Variants in ZNF675 observed in about 807,000 individuals in gnomAD.
ZNF675 encodes TRAF6 inhibitory zinc finger.
In ZNF675, 36 loss-of-function variants were observed where a neutral mutation model predicts 56.1. The ratio of observed to expected loss-of-function variants is 0.64; its 90% CI spans 0.49 to 0.85. The LOEUF (loss-of-function observed/expected upper bound fraction) is 0.85. Among genes scored for constraint, ZNF675 ranks in the 40% least tolerant of loss-of-function variants. The pLI is 0.00. For missense variants in ZNF675, 663 were observed against 654.2 expected, an observed-to-expected ratio of 1.01 and a Z score of -0.15; for synonymous variants, 200 against 218.9, an observed-to-expected ratio of 0.91 and a Z score of 0.76.
chr19:23,671,903 G>A (rs1207241443), intron 1 of ZNF675, among the ~76,000 whole-genome samples: 1 of 152,096 alleles, frequency 6.6e-6, no homozygotes, highest in East Asian at 1.9e-4. Flanking sequence ...TCTCTTGCAT[G>A]GGGGTAGGAA....
At chr19:23,666,307 G>C (rs546402226) in intron 1 of ZNF675, among the ~76,000 whole-genome samples, 88 of 152,290 alleles carry the variant, frequency 5.8e-4, no homozygotes, top group African/African-American at 2.0e-3. Flanking sequence ...GCCTCTAATT[G>C]GTTGCTTTTG....
chr19:23,674,761 G>A (rs1204474531), intron 1 of ZNF675, among the ~76,000 whole-genome samples: 3 of 151,382 alleles, frequency 2.0e-5, no homozygotes, highest in Admixed American at 6.6e-5. Flanking sequence ...TTGAGGTCAG[G>A]AGTTCAAGAC....
intron 1 of ZNF675, among the ~76,000 whole-genome samples, chr19:23,665,936 T>C (rs1467728613): frequency 1.3e-5 from 2 of 152,198 alleles, no homozygotes; most frequent in African/African-American, 4.8e-5. Context: ...ACTTCTCAAA[T>C]GAAGACTACC....
chr19:23,685,829 G>A (rs924350259), intron 1 of ZNF675, among the ~76,000 whole-genome samples: 1 of 152,118 alleles, frequency 6.6e-6, no homozygotes, highest in African/African-American at 2.4e-5. Flanking sequence ...GCAAGTCATA[G>A]TTAGTCTGGA....
At position 23,653,969 on chromosome 19, in the gene ZNF675, T is replaced by TAA; in HGVS notation, c.962_963dup (p.Thr322LeufsTer208). On this transcript the variant is annotated frameshift_variant, in exon 4 of 4. Coordinates refer to ENST00000359788, the MANE Select transcript of ZNF675 (RefSeq NM_138330.3). LOFTEE classifies it high-confidence loss of function. ...TGTGTAGTAAGGGTTGAGGATTGGGTAAAAGCCTTGCCACATTCTTCACAT... is the reference window on the plus strand; with the variant it reads ...TGTGTAGTAAGGGTTGAGGATTGGGTAAAAAAGCCTTGCCACATTCTTCACAT... 1 of 1,613,934 alleles carries TAA rather than the reference T, an allele frequency of 6.2e-7. No individual in the cohort carries two copies. Among genetic ancestry groups the TAA allele is most frequent in the Middle Eastern group, 1.7e-4 (1 of 6,060 alleles).
intron 1 of ZNF675, among the ~76,000 whole-genome samples, chr19:23,670,254 C>T (rs944289753): frequency 6.6e-6 from 1 of 152,116 alleles, no homozygotes; most frequent in Non-Finnish European, 1.5e-5. Flanking sequence ...TTCTGCAATA[C>T]TGTCTGGCCC....
intron 1 of ZNF675, among the ~76,000 whole-genome samples, chr19:23,686,589 G>C (rs1968445686): frequency 6.6e-6 from 1 of 152,100 alleles, no homozygotes; most frequent in African/African-American, 2.4e-5. Context: ...GTCTCCCAAA[G>C]TGCTGGTATT....
At chr19:23,665,520 G>C (rs1968138647) in intron 1 of ZNF675, among the ~76,000 whole-genome samples, 1 of 151,902 alleles carries the variant, frequency 6.6e-6, no homozygotes, top group Non-Finnish European at 1.5e-5. Context: ...GTGTGTGATG[G>C]AGTGTCGCTC....
chr19:23,654,043 G>A lies in ZNF675; in HGVS notation c.890C>T (p.Ser297Leu). ...EECGKAFNQF[S>L]NLTTHKKIHT... ...AATTTTTTTATGTGTAGTAAGATTT[G>A]AGAACTGGTTAAAGGCTTTGCCACA... Residue 297 changes from serine to leucine, a missense_variant, in exon 4 of 4, where the codon TCA (serine) becomes TTA (leucine). Ser to Leu is a moderately radical substitution (Grantham distance 145). Coordinates refer to ENST00000359788, the MANE Select transcript of ZNF675 (RefSeq NM_138330.3). 7 of 1,613,720 alleles carry A rather than the reference G, an allele frequency of 4.3e-6. No homozygotes were observed. The highest frequency in any genetic ancestry group is 5.9e-6 in the Non-Finnish European group (7 of 1,179,966).
Position 23,654,679 on chromosome 19 carries a change from A to C in ZNF675, c.254T>G (p.Phe85Cys), listed in dbSNP as rs202007180. 2.7e-4 allele frequency: 425 copies of C among 1,551,482 alleles called. 1 individual carries two copies. The Middle Eastern group carries it at 2.8e-3, about 10-fold the overall frequency. Residue 85 changes from phenylalanine (F) to cysteine (C), a missense_variant, in exon 4 of 4, where the codon TTT (phenylalanine) becomes TGT (cysteine). Transcript: ENST00000359788. ...ATCTTTTATGTTCTGCTCTGGCCAA[A>C]ACTCTTGGGCAAAATGAGAACACAT... is the stretch of plus-strand genomic sequence containing the variant. ...PVMCSHFAQE[F>C]WPEQNIKDSF...
Position 23,653,802 on chromosome 19 carries a change from A to G in ZNF675, c.1131T>C (p.Phe377=). 6.2e-7 allele frequency: 1 copy of G among 1,613,902 alleles called. No individual in the cohort carries two copies. The part of the protein sequence containing the change: ...PYKCEECGKA[F]NRSSNLTEHR... The stretch of plus-strand genomic sequence containing the variant: ...GTTCCGTAAGATTTGAGGATCGGTT[A>G]AAAGCTTTGCCGCATTCCTCACATT... The change falls in exon 4 of 4, where the codon TTT becomes TTC. Residue 377 remains phenylalanine (F), a synonymous_variant. Coordinates refer to ENST00000359788, the MANE Select transcript of ZNF675 (RefSeq NM_138330.3).
In ZNF675 at chr19:23,682,946, T is replaced by C. The variant is rs1038389372; in HGVS notation, c.3+4085A>G. 5.2e-4 allele frequency among the ~76,000 whole-genome samples: 79 copies of C among 151,738 alleles called. 5 individuals are homozygous for C. The highest frequency in any genetic ancestry group is 5.9e-5 in the Non-Finnish European group (4 of 68,040). Reference sequence around the variant, plus strand: ...GCTCACACCTGTAATCCCAGCACTTTGGGAGGCCAAGGCCAGCAGGTCACC... The same window carrying C: ...GCTCACACCTGTAATCCCAGCACTTCGGGAGGCCAAGGCCAGCAGGTCACC... On this transcript the variant is annotated intron_variant, in intron 1 of 3. Coordinates refer to ENST00000359788, the MANE Select transcript of ZNF675 (RefSeq NM_138330.3).
At chr19:23,663,307 A>G in intron 1 of ZNF675, 149 bp from the exon 2 acceptor site, 1 of 1,007,326 alleles carries the variant, frequency 9.9e-7, no homozygotes, top group Non-Finnish European at 1.4e-6. Flanking sequence ...TTTACACAGA[A>G]ATATTTCCTA....
At chr19:23,686,777 G>T (rs1396199239) in intron 1 of ZNF675, among the ~76,000 whole-genome samples, 1 of 152,172 alleles carries the variant, frequency 6.6e-6, no homozygotes, top group Non-Finnish European at 1.5e-5. Flanking sequence ...GGCGCTGCGG[G>T]TACAGAGCTG....
chr19:23,681,910 G>A, intron 1 of ZNF675, among the ~76,000 whole-genome samples: 1 of 151,744 alleles, frequency 6.6e-6, no homozygotes, highest in East Asian at 1.9e-4. Flanking sequence ...GAAAAATGAA[G>A]CACATAGATA....
At chr19:23,682,984 T>C (rs1181983783) in intron 1 of ZNF675, among the ~76,000 whole-genome samples, 1 of 151,024 alleles carries the variant, frequency 6.6e-6, no homozygotes, top group African/African-American at 2.5e-5. Context: ...AAGTCAGGAG[T>C]TCGAGCCTAG....
chr19:23,665,972 T>C (rs1968145517), intron 1 of ZNF675, among the ~76,000 whole-genome samples: 1 of 152,180 alleles, frequency 6.6e-6, no homozygotes, highest in Non-Finnish European at 1.5e-5. Context: ...TGCTGGCTCT[T>C]TAAAGTTTAC....
chr19:23,684,882 T>A (rs982266290), intron 1 of ZNF675, among the ~76,000 whole-genome samples: 1 of 152,162 alleles, frequency 6.6e-6, no homozygotes, highest in Non-Finnish European at 1.5e-5. Context: ...TCTTAGACAA[T>A]TCAGGGGACA....
intron 3 of ZNF675, among the ~76,000 whole-genome samples, chr19:23,658,964 G>GATATAGATCTATAGAGATCT (rs1282498511): frequency 1.3e-3 from 11 of 8,784 alleles, no homozygotes; most frequent in Non-Finnish European, 6.0e-3. Flanking sequence ...GAGATCTATA[G>GATATAGATCTATAGAGATCT]ATAGATATAG....
Sources: gnomAD v4.1 joint callset for allele counts (sites outside exome capture counted in the v4.1 genomes callset) on GRCh38, gnomAD v4.1.1 for gene constraint, MANE v1.5 for transcripts, NCBI Gene and HGNC (gene_info 2026-07-23, HGNC 2026-07-21) for gene names.